The following PTPRK variants were observed in gnomAD, a reference collection of about 807,000 sequenced individuals.
PTPRK encodes receptor-type tyrosine-protein phosphatase kappa.
PTPRK carries 75 observed loss-of-function variants against 178.0 expected under a neutral mutation model. The observed-to-expected ratio is 0.42, with a 90% CI of 0.35 to 0.51. The LOEUF is 0.51. Among genes scored for constraint, PTPRK ranks in the 20% least tolerant of loss-of-function variants. PTPRK has a pLI of 0.02. For missense variants in PTPRK, 1,441 were observed against 1,797.8 expected, an observed-to-expected ratio of 0.80 and a Z score of 3.59; for synonymous variants, 637 against 620.6, an observed-to-expected ratio of 1.03 and a Z score of -0.39.
intron 1 of PTPRK, among the ~76,000 whole-genome samples, chr6:128,440,971 G>A (rs1846211217): frequency 6.6e-6 from 1 of 152,068 alleles, no homozygotes; most frequent in African/African-American, 2.4e-5. Flanking sequence ...GATGGATGCT[G>A]CTAAATTACC....
chr6:127,993,362 AT>A (rs957154174), intron 18 of PTPRK, among the ~76,000 whole-genome samples: 57 of 149,958 alleles, frequency 3.8e-4, no homozygotes, highest in African/African-American at 1.1e-3. Flanking sequence ...AAAATTTAGT[AT>A]TTTTTTTTTC....
chr6:128,096,153 C>G (rs1787875410), intron 7 of PTPRK, among the ~76,000 whole-genome samples: 1 of 152,190 alleles, frequency 6.6e-6, no homozygotes, highest in Non-Finnish European at 1.5e-5. Context: ...TAACATATCA[C>G]TGCCCCCACT....
chr6:128,491,030 T>A (rs1242718561), intron 1 of PTPRK, among the ~76,000 whole-genome samples: 1 of 152,216 alleles, frequency 6.6e-6, no homozygotes, highest in African/African-American at 2.4e-5. Flanking sequence ...GGCTTCAACA[T>A]ATGAATTTTG....
intron 3 of PTPRK, among the ~76,000 whole-genome samples, chr6:128,267,507 T>A (rs928773250): frequency 6.6e-6 from 1 of 152,084 alleles, no homozygotes; most frequent in Non-Finnish European, 1.5e-5. Flanking sequence ...GGATTTTATT[T>A]TAACTGGATT....
At position 128,481,811 on chromosome 6, in the gene PTPRK, A is replaced by G. The variant is rs183353968; in HGVS notation, c.100+38448T>C. 1.8e-3 allele frequency among the ~76,000 whole-genome samples: 267 copies of G among 152,228 alleles called. 11 individuals are homozygous for G. Among genetic ancestry groups the G allele is most frequent in the Non-Finnish European group, 3.8e-4 (26 of 68,000 alleles). ...TTTAAGAGTATCCAGCAAGACATAC[A>G]TACTTCAAAGAATTGGGTCTTATAG... On this transcript the variant is annotated intron_variant, in intron 1 of 29. Coordinates refer to ENST00000368226, the MANE Select transcript of PTPRK (RefSeq NM_002844.4).
Position 128,389,404 on chromosome 6 carries a change from T to G in PTPRK, c.223+8162A>C, listed in dbSNP as rs1029899411. Among the ~76,000 whole-genome samples, 19 of 40,668 alleles carry G rather than the reference T, an allele frequency of 4.7e-4. No individual in the cohort carries two copies. The South Asian group carries it at 0.034, about 72-fold the overall frequency. The allele number at this position is 40,668 out of a possible 152,430, so 26.7% of individuals were successfully genotyped here. ...TTCTTGTTTGCTCGGTTTTTTTTTG[T>G]TTTTTTTTGTTTTTTTTGTTGTGTG... On this transcript the variant is annotated intron_variant, in intron 2 of 29. Transcript: ENST00000368226.
At chr6:128,047,504 C>T (rs1778264732) in intron 13 of PTPRK, among the ~76,000 whole-genome samples, 1 of 152,072 alleles carries the variant, frequency 6.6e-6, no homozygotes, top group Non-Finnish European at 1.5e-5. Context: ...TCTAGGGATA[C>T]TGTCTGTTAC....
chr6:128,419,257 G>T (rs2128385571), intron 1 of PTPRK, among the ~76,000 whole-genome samples: 1 of 152,260 alleles, frequency 6.6e-6, no homozygotes, highest in African/African-American at 2.4e-5. Context: ...AGATTAAAAT[G>T]GACACTAAAA....
chr6:127,981,949 C>T (rs1775389391), intron 24 of PTPRK, among the ~76,000 whole-genome samples: 1 of 152,070 alleles, frequency 6.6e-6, no homozygotes, highest in African/African-American at 2.4e-5. Flanking sequence ...AAGCAATCCT[C>T]CCATCTCAAC....
At chr6:128,222,178 A>G (rs1393655329) in intron 5 of PTPRK, among the ~76,000 whole-genome samples, 1 of 152,166 alleles carries the variant, frequency 6.6e-6, no homozygotes, top group Non-Finnish European at 1.5e-5. Flanking sequence ...TATGCCTTTC[A>G]AAACCCTTCT....
chr6:128,320,770 G>C lies in PTPRK; in HGVS notation c.495+1269C>G, dbSNP rs17055657. 6.0e-3 allele frequency among the ~76,000 whole-genome samples: 918 copies of C among 152,204 alleles called. 9 individuals are homozygous for C. The highest frequency in any genetic ancestry group is 0.021 in the African/African-American group (867 of 41,526). ...TGAGCCCACTGATCTTGCAACAAGT[G>C]CTCTAGCATTAGTTTCACACACTCC... On this transcript the variant is annotated intron_variant, in intron 3 of 29. Transcript: ENST00000368226.
At chr6:128,355,105 A>G (rs1562344079) in intron 2 of PTPRK, among the ~76,000 whole-genome samples, 1 of 152,242 alleles carries the variant, frequency 6.6e-6, no homozygotes, top group Non-Finnish European at 1.5e-5. Flanking sequence ...AAAATTCTTA[A>G]GAGTATATTG....
intron 1 of PTPRK, among the ~76,000 whole-genome samples, chr6:128,405,837 G>T (rs943205167): frequency 1.3e-5 from 2 of 151,936 alleles, no homozygotes; most frequent in African/African-American, 4.8e-5. Context: ...TGCTTTGAGG[G>T]TTTGAATTTA....
At chr6:128,089,528 G>T (rs556256884) in intron 8 of PTPRK, among the ~76,000 whole-genome samples, 162 bp downstream of exon 8, 1 of 152,124 alleles carries the variant, frequency 6.6e-6, no homozygotes, top group Non-Finnish European at 1.5e-5. Flanking sequence ...AGAATATTAG[G>T]TTTTGTAAAA....
chr6:128,094,207 C>G (rs974806078), intron 7 of PTPRK, among the ~76,000 whole-genome samples: 2 of 152,082 alleles, frequency 1.3e-5, no homozygotes, highest in African/African-American at 4.8e-5. Context: ...GCTGAACTTA[C>G]CTGATAGGCC....
intron 11 of PTPRK, among the ~76,000 whole-genome samples, chr6:128,076,986 GA>G (rs1200511915): frequency 2.6e-5 from 4 of 151,932 alleles, no homozygotes; most frequent in Admixed American, 6.6e-5. Flanking sequence ...TTGATTAAGT[GA>G]ATAAAGAGTT....
chr6:128,221,392 C>T (rs926583203), intron 5 of PTPRK, among the ~76,000 whole-genome samples: 31 of 151,782 alleles, frequency 2.0e-4, no homozygotes, highest in African/African-American at 4.6e-4. Context: ...GGCGCGGTGG[C>T]GGGTGCCTAT....
intron 2 of PTPRK, among the ~76,000 whole-genome samples, chr6:128,379,273 T>C (rs1837536109): frequency 6.6e-6 from 1 of 152,108 alleles, no homozygotes; most frequent in African/African-American, 2.4e-5. Context: ...ATGAATCGAA[T>C]AAATGCTATA....
chr6:128,163,018 T>C (rs1388817135), intron 7 of PTPRK, among the ~76,000 whole-genome samples: 1 of 151,514 alleles, frequency 6.6e-6, no homozygotes, highest in African/African-American at 2.4e-5. Flanking sequence ...AATAACATTA[T>C]GCTTAACATG....
Sources: gnomAD v4.1 joint callset for allele counts (sites outside exome capture counted in the v4.1 genomes callset) on GRCh38, gnomAD v4.1.1 for gene constraint, MANE v1.5 for transcripts, NCBI Gene and HGNC (gene_info 2026-07-23, HGNC 2026-07-21) for gene names.